The following FLT1 variants were observed in gnomAD, a reference collection of about 807,000 sequenced individuals.
FLT1 encodes vascular endothelial growth factor receptor 1.
FLT1 carries 49 observed loss-of-function variants against 156.3 expected under a neutral mutation model. The ratio of observed to expected loss-of-function variants is 0.31; its 90% confidence interval spans 0.25 to 0.40. The LOEUF is 0.40. Among genes scored for constraint, FLT1 ranks in the 10% least tolerant of loss-of-function variants. The probability of loss-of-function intolerance (pLI) is 1.00; values close to 1 mark genes in which losing one functional copy is unlikely to be tolerated. For missense variants in FLT1, 1,322 were observed against 1,637.2 expected (o/e 0.81, Z 3.32); for synonymous variants, 594 against 583.8 (o/e 1.02, Z -0.25).
intron 3 of FLT1, among the ~76,000 whole-genome samples, chr13:28,453,984 A>AG (rs1180204932): frequency 1.3e-5 from 2 of 151,792 alleles, no homozygotes; most frequent in African/African-American, 4.8e-5. Context: ...GGGATATTTA[A>AG]CTTGAGACCT....
In FLT1 at chr13:28,386,785, G is replaced by A. The variant is rs1874391443; in HGVS notation, c.1970-1754C>T. The A allele has an allele frequency of 2.8e-6, 3 of 1,053,266 alleles. No homozygotes were observed. The African/African-American group carries it at 5.0e-5, about 17-fold the overall frequency. 65.2% of individuals were successfully genotyped at this position (1,053,266 alleles called of 1,614,324 possible). A position where few individuals can be genotyped will look rare whatever the true frequency, so the allele number is the denominator to read the frequency against. Reference sequence around the variant, plus strand: ...AAACATGACAAGATCATAAAGAACAGTATCATATTATTATTTAGTCGCTTT... The same window carrying A: ...AAACATGACAAGATCATAAAGAACAATATCATATTATTATTTAGTCGCTTT... On this transcript the variant is annotated intron_variant, in intron 13 of 29. Coordinates refer to ENST00000282397, the MANE Select transcript of FLT1 (RefSeq NM_002019.4).
Position 28,439,632 on chromosome 13 carries a change from C to T in FLT1, c.389-1287G>A, listed in dbSNP as rs1339555648. 4.6e-5 allele frequency among the ~76,000 whole-genome samples: 7 copies of T among 152,234 alleles called. No homozygotes were observed. Among genetic ancestry groups the T allele is most frequent in the Non-Finnish European group, 1.5e-5 (1 of 68,042 alleles). On this transcript the variant is annotated intron_variant, in intron 3 of 29. Coordinates refer to ENST00000282397, the MANE Select transcript of FLT1 (RefSeq NM_002019.4). This position sits in a 1 kb window ranked among gnomAD's most constrained non-coding sequence, Gnocchi z 4.1. ...TTAAGCTAAGTAAGGGAGGGCTCCTCATCCAATGTGATTAGCATCCTTGTA... is the reference window on the plus strand; with the variant it reads ...TTAAGCTAAGTAAGGGAGGGCTCCTTATCCAATGTGATTAGCATCCTTGTA...
At chr13:28,443,371 C>T (rs1878438859) in intron 3 of FLT1, among the ~76,000 whole-genome samples, 1 of 152,116 alleles carries the variant, frequency 6.6e-6, no homozygotes, top group South Asian at 2.1e-4. Context: ...ACATAGTGGC[C>T]CCTGCATGTT....
intron 28 of FLT1, among the ~76,000 whole-genome samples, chr13:28,307,183 T>C (rs930075178): frequency 6.6e-6 from 1 of 152,178 alleles, no homozygotes; most frequent in African/African-American, 2.4e-5. Context: ...AAAGACATCA[T>C]TCGATTTTTT....
chr13:28,348,154 G>A (rs1872625612), intron 15 of FLT1, among the ~76,000 whole-genome samples: 1 of 152,148 alleles, frequency 6.6e-6, no homozygotes, highest in South Asian at 2.1e-4. Context: ...CTCCTACCCA[G>A]CTGTGACTGC....
intron 22 of FLT1, among the ~76,000 whole-genome samples, chr13:28,321,960 G>A (rs942364): frequency 0.096 from 14,577 of 152,272 alleles, 837 homozygotes; most frequent in South Asian, 0.12. Flanking sequence ...CTCCTATGAA[G>A]TCATGTCTTC....
intron 10 of FLT1, among the ~76,000 whole-genome samples, chr13:28,408,489 G>A (rs116570106): frequency 1.6e-4 from 25 of 152,288 alleles, no homozygotes; most frequent in African/African-American, 4.8e-4. Flanking sequence ...TCATTTAGAA[G>A]CCTTACTATA....
intron 11 of FLT1, 121 bp from the exon 12 acceptor site, chr13:28,397,189 T>C (rs1182509517): frequency 4.3e-6 from 3 of 690,082 alleles, no homozygotes; most frequent in African/African-American, 1.8e-5. Flanking sequence ...GAGTATTGCA[T>C]AGGTGGTGGT....
intron 10 of FLT1, 119 bp downstream of exon 10, chr13:28,427,040 C>T: frequency 1.1e-6 from 1 of 951,944 alleles, no homozygotes; most frequent in Non-Finnish European, 1.7e-6. Context: ...CAGGGAGAGC[C>T]TTTGCCTCAA....
At chr13:28,363,021 C>T (rs375170058) in intron 14 of FLT1, among the ~76,000 whole-genome samples, 56 of 152,246 alleles carry the variant, frequency 3.7e-4, no homozygotes, top group African/African-American at 1.1e-3. Context: ...TCCCTTCTTA[C>T]GAAAATAAGC....
rs1183482637 is a variant in FLT1, at chr13:28,339,155, A to G, written c.2488+13T>C. On this transcript the variant is annotated intron_variant, in intron 17 of 29. Transcript: ENST00000282397. ...CAGTATAGGTTTATGAATCTGTTGAACAAATATCTTACCCAGTTTAAGTCT... is the reference window on the plus strand; with the variant it reads ...CAGTATAGGTTTATGAATCTGTTGAGCAAATATCTTACCCAGTTTAAGTCT... 3 of 1,613,522 alleles carry G rather than the reference A, an allele frequency of 1.9e-6. No homozygotes were observed. Among genetic ancestry groups the G allele is most frequent in the Non-Finnish European group, 2.5e-6 (3 of 1,179,512 alleles).
At position 28,440,740 on chromosome 13, in the gene FLT1, T is replaced by C. The variant is rs141610545; in HGVS notation, c.389-2395A>G. The stretch of plus-strand genomic sequence containing the variant: ...AAATCATTATACCCTCTGTGCCTCA[T>C]TTGTAAAATCTAAGTGAAAGGGCTA... On this transcript the variant is annotated intron_variant, in intron 3 of 29. Coordinates refer to ENST00000282397, the MANE Select transcript of FLT1 (RefSeq NM_002019.4). 9.9e-3 allele frequency among the ~76,000 whole-genome samples: 1,505 copies of C among 152,196 alleles called. 57 individuals carry two copies. The highest frequency in any genetic ancestry group is 0.063 in the Admixed American group (968 of 15,284).
chr13:28,321,383 G>T, intron 23 of FLT1, 80 bp downstream of exon 23: 1 of 1,511,630 alleles, frequency 6.6e-7, no homozygotes, highest in Non-Finnish European at 9.1e-7. Flanking sequence ...CTACAGCTGA[G>T]GAAGTGTAAA....
At chr13:28,375,317 C>T (rs1448774535) in intron 14 of FLT1, among the ~76,000 whole-genome samples, 1 of 152,200 alleles carries the variant, frequency 6.6e-6, no homozygotes, top group Non-Finnish European at 1.5e-5. Flanking sequence ...ACTTTTCAAT[C>T]TCATTGAACT....
intron 3 of FLT1, among the ~76,000 whole-genome samples, chr13:28,460,650 C>A (rs1218216051): frequency 7.6e-6 from 1 of 131,764 alleles, no homozygotes; most frequent in Non-Finnish European, 1.6e-5. Flanking sequence ...TACTGGTGTG[C>A]CCCTCCCCCC....
chr13:28,458,221 G>C (rs915379675), intron 3 of FLT1, among the ~76,000 whole-genome samples: 1 of 151,840 alleles, frequency 6.6e-6, no homozygotes, highest in African/African-American at 2.4e-5. Context: ...CACCACACCC[G>C]GCCCATCTTT....
chr13:28,308,163 G>A (rs977884277), intron 28 of FLT1, among the ~76,000 whole-genome samples: 5 of 152,148 alleles, frequency 3.3e-5, no homozygotes, highest in African/African-American at 1.2e-4. Context: ...GGCAGGTCCC[G>A]AGAGCTGGCA....
In FLT1 at chr13:28,384,894, G is replaced by T; in HGVS notation, c.2107C>A (p.Gln703Lys). 6.2e-7 allele frequency: 1 copy of T among 1,614,064 alleles called. No individual in the cohort carries two copies. The highest frequency in any genetic ancestry group is 1.3e-5 in the African/African-American group (1 of 75,034). ...TWFKNNHKIQ[Q>K]EPGIILGPGS... ...AAAAAAAGTCTCTTACCAGGCTCTT[G>T]TTGTATTTTGTGGTTGTTTTTAAAC... The change falls in exon 14 of 30, where the codon CAA (glutamine) becomes AAA (lysine). Residue 703 changes from glutamine to lysine, a missense_variant. Transcript: ENST00000282397.
intron 10 of FLT1, among the ~76,000 whole-genome samples, chr13:28,415,497 A>AATG (rs1161349529): frequency 4.6e-5 from 7 of 152,234 alleles, no homozygotes; most frequent in Admixed American, 2.0e-4. Flanking sequence ...TAATAATAAT[A>AATG]ATAATAGCAC....
Sources: allele counts gnomAD v4.1 joint callset (sites outside exome capture counted in the v4.1 genomes callset), GRCh38; gene constraint gnomAD v4.1.1; non-coding constraint Gnocchi (gnomAD v3.1); transcripts MANE v1.5; gene names NCBI Gene and HGNC (gene_info 2026-07-23, HGNC 2026-07-21).